Variants in DMRT1 observed in about 807,000 individuals in gnomAD.
DMRT1 encodes the protein doublesex- and mab-3-related transcription factor 1.
A neutral mutation model predicts 32.3 loss-of-function variants in DMRT1; 7 were observed. That is an observed-to-expected ratio of 0.22 (90% CI 0.12 to 0.41). The LOEUF is 0.41. Among genes scored for constraint, DMRT1 ranks in the 10% least tolerant of loss-of-function variants. The pLI is 1.00. For synonymous variants in DMRT1, 278 were observed against 206.1 expected, an observed-to-expected ratio of 1.35 and a Z score of -2.99; for missense variants, 625 against 500.5, an observed-to-expected ratio of 1.25 and a Z score of -2.37.
chr9:954,447 G>C (rs1461163311), intron 4 of DMRT1, among the ~76,000 whole-genome samples: 1 of 152,096 alleles, frequency 6.6e-6, no homozygotes, highest in African/African-American at 2.4e-5. Flanking sequence ...GAGTTCAAGA[G>C]AGCAGGATGC....
At chr9:918,243 G>C (rs978278268) in intron 4 of DMRT1, among the ~76,000 whole-genome samples, 2 of 152,190 alleles carry the variant, frequency 1.3e-5, no homozygotes, top group African/African-American at 4.8e-5. Flanking sequence ...GCACAATTTG[G>C]GGATGAAGCA....
chr9:905,484 GTGTC>G (rs1396948510), intron 3 of DMRT1, among the ~76,000 whole-genome samples: 19 of 142,708 alleles, frequency 1.3e-4, no homozygotes, highest in African/African-American at 5.0e-4. Context: ...CTGTGTGTGT[GTGTC>G]TGTGTGTGTG....
intron 3 of DMRT1, among the ~76,000 whole-genome samples, chr9:901,777 T>C (rs1817586050): frequency 6.6e-6 from 1 of 151,926 alleles, no homozygotes; most frequent in Non-Finnish European, 1.5e-5. Context: ...GTGACTTGCC[T>C]TACGAACCTG....
At chr9:873,759 C>T (rs1405930984) in intron 2 of DMRT1, among the ~76,000 whole-genome samples, 1 of 152,148 alleles carries the variant, frequency 6.6e-6, no homozygotes, top group Non-Finnish European at 1.5e-5. Flanking sequence ...GGGGAATGGC[C>T]TTCTAATACC....
chr9:859,965 A>T (rs774245759), intron 2 of DMRT1, among the ~76,000 whole-genome samples: 1 of 152,230 alleles, frequency 6.6e-6, no homozygotes, highest in Non-Finnish European at 1.5e-5. Context: ...ATTGCCGTTA[A>T]CTACCCGTTA....
At chr9:957,560 G>A (rs570708910) in intron 4 of DMRT1, among the ~76,000 whole-genome samples, 2 of 152,264 alleles carry the variant, frequency 1.3e-5, no homozygotes, top group South Asian at 2.1e-4. Context: ...CATGATGGCC[G>A]TGTTATATTT....
At chr9:858,853 CAAAAAAA>C (rs1205538076) in intron 2 of DMRT1, among the ~76,000 whole-genome samples, 2,510 of 137,570 alleles carry the variant, frequency 0.018, 41 homozygotes, top group Non-Finnish European at 0.025. Flanking sequence ...CAGTCTGTCT[CAAAAAAA>C]AAAAAAAAAA....
intron 2 of DMRT1, among the ~76,000 whole-genome samples, chr9:881,357 T>G (rs1306401322): frequency 2.6e-5 from 4 of 152,200 alleles, no homozygotes; most frequent in Admixed American, 2.0e-4. Flanking sequence ...ATAATTCGGT[T>G]TCTTAATTGT....
chr9:912,746 T>C (rs1818033425), intron 3 of DMRT1, among the ~76,000 whole-genome samples: 1 of 152,118 alleles, frequency 6.6e-6, no homozygotes, highest in South Asian at 2.1e-4. Flanking sequence ...ATGGACGATA[T>C]GTTGGTAATT....
intron 3 of DMRT1, among the ~76,000 whole-genome samples, chr9:896,690 G>GT (rs1337178330): frequency 2.6e-5 from 4 of 151,930 alleles, no homozygotes; most frequent in Non-Finnish European, 5.9e-5. Context: ...GCGCACGCCT[G>GT]TAATTCCAGC....
At chr9:871,687 G>A (rs1816270199) in intron 2 of DMRT1, among the ~76,000 whole-genome samples, 1 of 149,128 alleles carries the variant, frequency 6.7e-6, no homozygotes, top group Admixed American at 6.6e-5. Context: ...TGTTAGCCAG[G>A]ATGGTCTCAA....
At chr9:902,746 C>T (rs1393440738) in intron 3 of DMRT1, among the ~76,000 whole-genome samples, 1 of 152,090 alleles carries the variant, frequency 6.6e-6, no homozygotes, top group African/African-American at 2.4e-5. Context: ...ACCTCAGCTT[C>T]CCAAAGTGCT....
chr9:884,922 A>C (rs1816867667), intron 2 of DMRT1, among the ~76,000 whole-genome samples: 1 of 152,218 alleles, frequency 6.6e-6, no homozygotes, highest in Non-Finnish European at 1.5e-5. Flanking sequence ...GTCAGCCAAG[A>C]TCACACCACT....
intron 3 of DMRT1, among the ~76,000 whole-genome samples, chr9:906,617 T>C (rs1817785921): frequency 6.6e-6 from 1 of 152,278 alleles, no homozygotes; most frequent in East Asian, 1.9e-4. Context: ...TGGGAACAGA[T>C]ATGGATGCCT....
At chr9:884,770 G>T (rs961504933) in intron 2 of DMRT1, among the ~76,000 whole-genome samples, 1 of 152,126 alleles carries the variant, frequency 6.6e-6, no homozygotes, top group Non-Finnish European at 1.5e-5. Flanking sequence ...AGGAGTTCGA[G>T]ACCAGCCTGG....
In DMRT1 at chr9:879,383, A is replaced by G. The variant is rs189753559; in HGVS notation, c.539-14529A>G. 1.4e-3 allele frequency among the ~76,000 whole-genome samples: 212 copies of G among 152,298 alleles called. 4 individuals carry two copies. The East Asian group carries it at 0.037, about 27-fold the overall frequency. ...TCAATAAAAATTACTACATTTTGCA[A>G]ATTAAAAAAAAACAAGAGAGTGGCA... On this transcript the variant is annotated intron_variant, in intron 2 of 4. Coordinates refer to ENST00000382276, the MANE Select transcript of DMRT1 (RefSeq NM_021951.3).
intron 4 of DMRT1, among the ~76,000 whole-genome samples, chr9:921,394 T>C (rs1238250672): frequency 6.6e-6 from 1 of 152,200 alleles, no homozygotes; most frequent in African/African-American, 2.4e-5. Flanking sequence ...CGTTCATCAG[T>C]TGAGGGATAT....
chr9:858,270 C>T (rs956229925), intron 2 of DMRT1, among the ~76,000 whole-genome samples: 2 of 152,274 alleles, frequency 1.3e-5, no homozygotes, highest in African/African-American at 2.4e-5. Context: ...GGAACTTTTA[C>T]AGGTGGTGAC....
intron 4 of DMRT1, among the ~76,000 whole-genome samples, chr9:924,232 C>G (rs187793589): frequency 5.9e-5 from 9 of 152,114 alleles, no homozygotes; most frequent in Admixed American, 1.3e-4. Context: ...CCACCACACC[C>G]AGCTAACTTT....
Sources: allele counts gnomAD v4.1 joint callset (sites outside exome capture counted in the v4.1 genomes callset), GRCh38; gene constraint gnomAD v4.1.1; transcripts MANE v1.5; gene names NCBI Gene and HGNC (gene_info 2026-07-23, HGNC 2026-07-21).